Variants in TMTC2 observed in about 807,000 individuals in gnomAD.
TMTC2 encodes the protein protein O-mannosyl-transferase TMTC2.
In TMTC2, 43 loss-of-function variants were observed where a neutral mutation model predicts 82.4. That is an observed-to-expected ratio of 0.52 (90% CI 0.41 to 0.67). TMTC2 has a LOEUF of 0.67. Ranked by LOEUF, TMTC2 falls within the 30% of genes least tolerant of loss-of-function variation. The pLI is 0.00. For missense variants in TMTC2, 919 were observed against 1,012.4 expected (o/e 0.91, Z 1.25); for synonymous variants, 408 against 381.9 (o/e 1.07, Z -0.80).
At chr12:82,795,191 G>A (rs1209595015) in intron 1 of TMTC2, among the ~76,000 whole-genome samples, 1 of 151,692 alleles carries the variant, frequency 6.6e-6, no homozygotes, top group East Asian at 1.9e-4. Flanking sequence ...TGTAATCCCA[G>A]CTACTCAGGA....
intron 2 of TMTC2, among the ~76,000 whole-genome samples, chr12:82,891,270 T>C (rs2137171660): frequency 6.6e-6 from 1 of 152,278 alleles, no homozygotes; most frequent in East Asian, 1.9e-4. Context: ...AAAAATTGGA[T>C]TTGAAGAGAG....
At chr12:82,801,848 G>A (rs1402518214) in intron 1 of TMTC2, among the ~76,000 whole-genome samples, 1 of 152,116 alleles carries the variant, frequency 6.6e-6, no homozygotes, top group East Asian at 1.9e-4. Flanking sequence ...TAGACGCAGG[G>A]TGCTGATTGG....
At chr12:82,971,562 T>C (rs139481698) in intron 7 of TMTC2, among the ~76,000 whole-genome samples, 1 of 152,130 alleles carries the variant, frequency 6.6e-6, no homozygotes, top group Admixed American at 6.5e-5. Context: ...CAATTATTTT[T>C]ATCTGTTTGA....
At chr12:82,693,968 C>CA (rs1005660355) in intron 1 of TMTC2, among the ~76,000 whole-genome samples, 2,889 of 38,432 alleles carry the variant, frequency 0.075, 90 homozygotes, top group East Asian at 0.19. Context: ...AACTCCATCT[C>CA]AAAAAAAAAA....
intron 1 of TMTC2, among the ~76,000 whole-genome samples, chr12:82,719,668 TG>T (rs1227624968): frequency 1.0e-4 from 7 of 67,220 alleles, no homozygotes; most frequent in South Asian, 6.8e-4. Context: ...TATGTCTCTC[TG>T]TCTTTTTTTT....
At chr12:83,032,983 A>G (rs188718986) in intron 9 of TMTC2, among the ~76,000 whole-genome samples, 20 of 152,352 alleles carry the variant, frequency 1.3e-4, no homozygotes, top group Middle Eastern at 3.4e-3. Context: ...GCATACATAC[A>G]TTATAAGAAG....
intron 9 of TMTC2, among the ~76,000 whole-genome samples, 162 bp from the exon 10 acceptor site, chr12:83,050,742 A>G (rs1882315751): frequency 6.6e-6 from 1 of 152,200 alleles, no homozygotes; most frequent in African/African-American, 2.4e-5. Flanking sequence ...GAAATGTTCC[A>G]TAGTTAAGCA....
At chr12:83,080,986 T>A (rs1883444614) in intron 11 of TMTC2, among the ~76,000 whole-genome samples, 1 of 152,216 alleles carries the variant, frequency 6.6e-6, no homozygotes, top group South Asian at 2.1e-4. Flanking sequence ...AAACAAGCCC[T>A]GTGGATATAA....
intron 9 of TMTC2, among the ~76,000 whole-genome samples, chr12:83,041,728 T>A (rs1881902838): frequency 6.6e-6 from 1 of 152,142 alleles, no homozygotes. Context: ...GAGTAGACAT[T>A]GTGCTCAACA....
chr12:83,006,107 A>G (rs1880191257), intron 8 of TMTC2, among the ~76,000 whole-genome samples: 1 of 152,132 alleles, frequency 6.6e-6, no homozygotes, highest in Admixed American at 6.5e-5. Context: ...CCAGAAGTCC[A>G]TGGTAAGTGT....
intron 11 of TMTC2, among the ~76,000 whole-genome samples, chr12:83,125,231 T>C (rs917995613): frequency 1.3e-5 from 2 of 152,212 alleles, no homozygotes; most frequent in Non-Finnish European, 2.9e-5. Context: ...AGTGAACTTA[T>C]ATCAAAGATT....
At position 82,778,486 on chromosome 12, in the gene TMTC2, C is replaced by T. The variant is rs543937682; in HGVS notation, c.84-78524C>T. Among the ~76,000 whole-genome samples, 13 of 152,058 alleles carry T rather than the reference C, an allele frequency of 8.5e-5. 1 individual carries two copies. The South Asian group carries it at 1.5e-3, about 17-fold the overall frequency. Reference sequence around the variant, plus strand: ...ATCCCAGCACTTTGGGAGGCCAAGGCGAGCAGATCACAAGGTCAGTAGATC... The same window carrying T: ...ATCCCAGCACTTTGGGAGGCCAAGGTGAGCAGATCACAAGGTCAGTAGATC... On this transcript the variant is annotated intron_variant, in intron 1 of 11. Transcript: ENST00000321196.
chr12:82,948,002 G>A (rs1308220343), intron 4 of TMTC2, among the ~76,000 whole-genome samples: 1 of 152,080 alleles, frequency 6.6e-6, no homozygotes, highest in Non-Finnish European at 1.5e-5. Flanking sequence ...CATTCTCTAT[G>A]ACCACTGAGT....
intron 2 of TMTC2, among the ~76,000 whole-genome samples, chr12:82,860,500 G>T (rs923991527): frequency 6.6e-6 from 1 of 152,158 alleles, no homozygotes; most frequent in Admixed American, 6.5e-5. Flanking sequence ...AACTAATATG[G>T]AATAGAATCT....
At chr12:82,887,948 A>G (rs1592602851) in intron 2 of TMTC2, among the ~76,000 whole-genome samples, 1 of 152,196 alleles carries the variant, frequency 6.6e-6, no homozygotes, top group East Asian at 1.9e-4. Context: ...GCGTGGTGGC[A>G]CATGCCTGTA....
At chr12:82,780,171 G>A (rs1877824499) in intron 1 of TMTC2, among the ~76,000 whole-genome samples, 1 of 152,162 alleles carries the variant, frequency 6.6e-6, no homozygotes, top group Non-Finnish European at 1.5e-5. Flanking sequence ...ACAAAGCACA[G>A]TATAAGATTT....
At chr12:83,003,833 CT>C (rs1880030888) in intron 8 of TMTC2, among the ~76,000 whole-genome samples, 1 of 151,988 alleles carries the variant, frequency 6.6e-6, no homozygotes, top group Non-Finnish European at 1.5e-5. Context: ...AACCTGATGA[CT>C]GTGTCTTGGG....
At chr12:82,975,008 A>T (rs1021257619) in intron 7 of TMTC2, among the ~76,000 whole-genome samples, 2 of 152,122 alleles carry the variant, frequency 1.3e-5, no homozygotes. Context: ...TCTGTGATTC[A>T]CTTAGGGAAG....
intron 8 of TMTC2, among the ~76,000 whole-genome samples, chr12:83,007,726 C>T (rs555816713): frequency 2.0e-5 from 3 of 152,218 alleles, no homozygotes; most frequent in Admixed American, 6.5e-5. Flanking sequence ...CTATAACCCT[C>T]TTCATTTTTT....
Sources: allele counts gnomAD v4.1 joint callset (sites outside exome capture counted in the v4.1 genomes callset), GRCh38; gene constraint gnomAD v4.1.1; transcripts MANE v1.5; gene names NCBI Gene and HGNC (gene_info 2026-07-23, HGNC 2026-07-21).